Variants in FBXW7 observed in about 807,000 individuals in gnomAD.
FBXW7 encodes F-box/WD repeat-containing protein 7.
In FBXW7, 11 loss-of-function variants were observed where a neutral mutation model predicts 86.3. That is an observed-to-expected ratio of 0.13 (90% CI 0.08 to 0.21). The LOEUF is 0.21. Ranked by LOEUF, FBXW7 falls within the 10% of genes least tolerant of loss-of-function variation. The probability of loss-of-function intolerance (pLI) is 1.00; values close to 1 mark genes in which losing one functional copy is unlikely to be tolerated. For missense variants in FBXW7, 488 were observed against 847.4 expected (o/e 0.58, Z 5.27); for synonymous variants, 313 against 297.9 (o/e 1.05, Z -0.52).
chr4:152,429,837 G>A (rs994355317), intron 2 of FBXW7, among the ~76,000 whole-genome samples: 4 of 152,218 alleles, frequency 2.6e-5, no homozygotes, highest in African/African-American at 9.6e-5. Context: ...AATGAATGCA[G>A]TGGAATCATC....
intron 2 of FBXW7, among the ~76,000 whole-genome samples, chr4:152,466,730 C>G (rs981119623): frequency 2.6e-5 from 4 of 152,052 alleles, no homozygotes; most frequent in African/African-American, 9.7e-5. Flanking sequence ...ATCACGAGGT[C>G]AGGAGATCGA....
At chr4:152,519,806 G>A (rs1748838442) in intron 2 of FBXW7, among the ~76,000 whole-genome samples, 1 of 152,120 alleles carries the variant, frequency 6.6e-6, no homozygotes, top group African/African-American at 2.4e-5. Flanking sequence ...AAACTTAAGA[G>A]ACAGCATGCA....
intron 4 of FBXW7, among the ~76,000 whole-genome samples, chr4:152,408,618 A>C (rs979579094): frequency 3.3e-5 from 5 of 152,188 alleles, no homozygotes; most frequent in Admixed American, 6.5e-5. Context: ...TGTCCTTTCT[A>C]TAGGGTAGCT....
chr4:152,380,420 C>T (rs1033473739), intron 4 of FBXW7, among the ~76,000 whole-genome samples: 4 of 151,888 alleles, frequency 2.6e-5, no homozygotes, highest in African/African-American at 7.2e-5. Context: ...AATTATTGGC[C>T]GGCAGGCTAA....
chr4:152,369,241 A>T (rs1468124928), intron 4 of FBXW7, among the ~76,000 whole-genome samples: 2 of 152,082 alleles, frequency 1.3e-5, no homozygotes, highest in Non-Finnish European at 2.9e-5. Flanking sequence ...GGGTTATTTC[A>T]TTTTATCCTT....
chr4:152,373,630 C>T (rs549829529), intron 4 of FBXW7, among the ~76,000 whole-genome samples: 2 of 152,130 alleles, frequency 1.3e-5, no homozygotes, highest in Admixed American at 6.6e-5. Context: ...CTCTGATCAC[C>T]TACTTAGCAA....
chr4:152,349,976 A>G (rs527426167), intron 5 of FBXW7, 66 bp downstream of exon 5: 6 of 903,582 alleles, frequency 6.6e-6, no homozygotes, highest in Admixed American at 5.0e-5. Context: ...AGAATAAACT[A>G]AAACACTTTC....
At chr4:152,455,958 T>A (rs1169087921) in intron 2 of FBXW7, among the ~76,000 whole-genome samples, 2 of 152,184 alleles carry the variant, frequency 1.3e-5, no homozygotes, top group Non-Finnish European at 2.9e-5. Flanking sequence ...TCAGGTAACA[T>A]ATATACAGCT....
chr4:152,386,825 T>A (rs1391056159), intron 4 of FBXW7, among the ~76,000 whole-genome samples: 3 of 152,144 alleles, frequency 2.0e-5, no homozygotes, highest in Non-Finnish European at 4.4e-5. Context: ...AAAATTTGCA[T>A]CCGTAAAAAC....
At chr4:152,509,214 G>C (rs1391783374) in intron 2 of FBXW7, among the ~76,000 whole-genome samples, 2 of 152,154 alleles carry the variant, frequency 1.3e-5, no homozygotes, top group Non-Finnish European at 2.9e-5. Context: ...GGTGAAATCT[G>C]AATAAAGTCT....
chr4:152,407,507 T>C (rs2126863067), intron 4 of FBXW7, among the ~76,000 whole-genome samples: 1 of 152,196 alleles, frequency 6.6e-6, no homozygotes, highest in African/African-American at 2.4e-5. Context: ...TACAACAGAG[T>C]GTAACTTAGA....
chr4:152,342,438 A>G (rs1730838675), intron 6 of FBXW7, among the ~76,000 whole-genome samples: 1 of 152,250 alleles, frequency 6.6e-6, no homozygotes, highest in African/African-American at 2.4e-5. Context: ...ACCCGCCAGC[A>G]GATAGTCTGA....
intron 2 of FBXW7, among the ~76,000 whole-genome samples, chr4:152,511,867 T>C (rs989004776): frequency 6.6e-6 from 1 of 152,240 alleles, no homozygotes; most frequent in East Asian, 1.9e-4. Context: ...TCTGGAAATA[T>C]TTTTAAGAAT....
rs2126535230 is a variant in FBXW7 at position 152,330,791 on chromosome 4, A to G, written c.1063T>C (p.Tyr355His). 1 of 1,612,684 alleles carries G rather than the reference A, an allele frequency of 6.2e-7. No homozygotes were observed. The highest frequency in any genetic ancestry group is 8.5e-7 in the Non-Finnish European group (1 of 1,178,966). Residue 355 changes from tyrosine to histidine, a missense_variant, in exon 9 of 14, where the codon TAC (tyrosine) becomes CAC (histidine). Tyr to His is a moderately conservative substitution (Grantham distance 83). This residue lies in a region of FBXW7 where 57 missense variants were observed against 62.8 expected (regional missense o/e 0.91). Coordinates refer to ENST00000281708, the MANE Select transcript of FBXW7 (RefSeq NM_001349798.2). ...GTATCAATTCTGTGCTGTCTGATGT[A>G]TGCACTTTTCCATGGACTGTGTATG... ...GFIHSPWKSA[Y>H]IRQHRIDTNW... is the part of the protein sequence containing the mutation.
At chr4:152,336,901 C>A (rs1730183090) in intron 7 of FBXW7, among the ~76,000 whole-genome samples, 1 of 151,890 alleles carries the variant, frequency 6.6e-6, no homozygotes, top group South Asian at 2.1e-4. Context: ...TGACTTTTTT[C>A]TGTTCAAATT....
At chr4:152,394,142 T>A (rs1736218107) in intron 4 of FBXW7, among the ~76,000 whole-genome samples, 1 of 152,112 alleles carries the variant, frequency 6.6e-6, no homozygotes, top group South Asian at 2.1e-4. Context: ...TATTGTTCCA[T>A]TCATAGTGAT....
At chr4:152,491,873 T>A (rs777500962) in intron 2 of FBXW7, among the ~76,000 whole-genome samples, 1 of 152,206 alleles carries the variant, frequency 6.6e-6, no homozygotes, top group Non-Finnish European at 1.5e-5. Context: ...ATTATTTCTA[T>A]AATTTTTAGA....
Position 152,330,815 on chromosome 4 carries a change from T to C in FBXW7, c.1039A>G (p.Ile347Val), listed in dbSNP as rs762013076. The change falls in exon 9 of 14, where the codon ATA (isoleucine) becomes GTA (valine). Residue 347 changes from isoleucine to valine, a missense_variant. Physicochemically the swap from Ile to Val is conservative, Grantham distance 29. Transcript: ENST00000281708. ...TATGCACTTTTCCATGGACTGTGTATGAAACCTGGTTTTATTACTTTTCTT... is the reference window on the plus strand; with the variant it reads ...TATGCACTTTTCCATGGACTGTGTACGAAACCTGGTTTTATTACTTTTCTT... The part of the protein sequence containing the change: ...KRRKVIKPGF[I>V]HSPWKSAYIR... 1 of 1,612,742 alleles carries C rather than the reference T, an allele frequency of 6.2e-7. No homozygotes were observed. Among genetic ancestry groups the C allele is most frequent in the African/African-American group, 1.3e-5 (1 of 74,968 alleles).
intron 4 of FBXW7, among the ~76,000 whole-genome samples, chr4:152,389,359 T>C (rs1266223601): frequency 6.6e-6 from 1 of 152,078 alleles, no homozygotes; most frequent in Non-Finnish European, 1.5e-5. Flanking sequence ...TAGTTATAAC[T>C]TTAAGTCAAC....
Sources: allele counts gnomAD v4.1 joint callset (sites outside exome capture counted in the v4.1 genomes callset), GRCh38; gene constraint gnomAD v4.1.1; regional missense constraint gnomAD v4.1.1; transcripts MANE v1.5; gene names NCBI Gene and HGNC (gene_info 2026-07-23, HGNC 2026-07-21).